The following NCOA1 variants were observed in gnomAD, a reference collection of about 807,000 sequenced individuals.
The protein encoded by NCOA1 is Hin-2 protein.
NCOA1 carries 35 observed loss-of-function variants against 150.9 expected under a neutral mutation model. That is an observed-to-expected ratio of 0.23 (90% CI 0.18 to 0.31). The LOEUF (loss-of-function observed/expected upper bound fraction) is 0.31. Ranked by LOEUF, NCOA1 falls within the 10% of genes least tolerant of loss-of-function variation. NCOA1 has a pLI of 1.00. For missense variants in NCOA1, 1,491 were observed against 1,749.3 expected (o/e 0.85, Z 2.63); for synonymous variants, 590 against 630.0 (o/e 0.94, Z 0.95).
At chr2:24,576,149 G>GTTTTTTTTTTTTATTTT (rs1666949145) in intron 2 of NCOA1, among the ~76,000 whole-genome samples, 1 of 94,026 alleles carries the variant, frequency 1.1e-5, no homozygotes, top group Non-Finnish European at 2.0e-5. Flanking sequence ...TTTGGCCTTT[G>GTTTTTTTTTTTTATTTT]TTTTTTTTTT....
chr2:24,631,778 C>G (rs1249786742), intron 3 of NCOA1, among the ~76,000 whole-genome samples: 1 of 152,146 alleles, frequency 6.6e-6, no homozygotes, highest in Non-Finnish European at 1.5e-5. Flanking sequence ...AAAGCTGGTT[C>G]TTTTTCACAA....
intron 2 of NCOA1, among the ~76,000 whole-genome samples, chr2:24,568,812 C>T (rs1666614567): frequency 6.6e-6 from 1 of 152,168 alleles, no homozygotes; most frequent in African/African-American, 2.4e-5. Context: ...GTCATGTACC[C>T]ATGCCAGTAT....
intron 2 of NCOA1, among the ~76,000 whole-genome samples, chr2:24,569,866 T>A (rs1666669442): frequency 6.8e-6 from 1 of 147,306 alleles, no homozygotes; most frequent in African/African-American, 2.5e-5. Flanking sequence ...TGATACTCCG[T>A]CTGAAAAAAA....
chr2:24,577,088 C>T (rs574963471), intron 2 of NCOA1, among the ~76,000 whole-genome samples: 1 of 152,112 alleles, frequency 6.6e-6, no homozygotes, highest in South Asian at 2.1e-4. Flanking sequence ...CATTTTTCAG[C>T]TGGATTATAT....
At chr2:24,740,567 GAAATGTCTTATTACTA>G (rs1163575745) in intron 18 of NCOA1, among the ~76,000 whole-genome samples, 1 of 152,184 alleles carries the variant, frequency 6.6e-6, no homozygotes, top group African/African-American at 2.4e-5. Context: ...GTGTGCAACT[GAAATGTCTTATTACTA>G]AAATGTCTTA....
At chr2:24,730,144 A>T (rs549303760) in intron 17 of NCOA1, among the ~76,000 whole-genome samples, 1 of 152,264 alleles carries the variant, frequency 6.6e-6, no homozygotes, top group South Asian at 2.1e-4. Context: ...GCACCCTGCC[A>T]GCAGTTGATA....
chr2:24,751,107 C>T (rs562780122), intron 19 of NCOA1, among the ~76,000 whole-genome samples: 1 of 150,882 alleles, frequency 6.6e-6, no homozygotes, highest in Non-Finnish European at 1.5e-5. Context: ...CGTGCCTCAG[C>T]CTTCCAAGTA....
At chr2:24,496,586 T>G (rs1480621686) in intron 1 of NCOA1, among the ~76,000 whole-genome samples, 1 of 152,198 alleles carries the variant, frequency 6.6e-6, no homozygotes, top group Non-Finnish European at 1.5e-5. Flanking sequence ...TCTCTCTCTT[T>G]CTTTTGAGAG....
rs765150197 is a variant in NCOA1 at position 24,706,862 on chromosome 2, C to CAGT, written c.1394_1396dup (p.Ser465dup). The stretch of plus-strand genomic sequence containing the variant: ...ACCAAGGACAGGCCAGTTCACAGAG[C>CAGT]AGTAATCCCTCTTTAAACCTCAATA... On this transcript the variant is annotated inframe_insertion, in exon 13 of 23. Coordinates refer to ENST00000348332, the MANE Select transcript of NCOA1 (RefSeq NM_003743.5). The CAGT allele has an allele frequency of 1.9e-6, 3 of 1,614,154 alleles. No individual in the cohort carries two copies. Among genetic ancestry groups the CAGT allele is most frequent in the South Asian group, 1.1e-5 (1 of 91,078 alleles).
chr2:24,707,441 C>T lies in NCOA1; in HGVS notation c.1971C>T (p.Val657=). ...HADIDTSCKD[V]LSCTGTSNSA... is the part of the protein sequence containing the mutation. ...ATATAGACACAAGCTGCAAAGATGT[C>T]CTGTCTTGCACAGGCACTTCCAACT... is the stretch of plus-strand genomic sequence containing the variant. The change falls in exon 13 of 23, where the codon GTC becomes GTT. Residue 657 remains valine (V), a synonymous_variant. Coordinates refer to ENST00000348332, the MANE Select transcript of NCOA1 (RefSeq NM_003743.5). 1 of 1,614,192 alleles carries T rather than the reference C, an allele frequency of 6.2e-7. No individual in the cohort carries two copies. Among genetic ancestry groups the T allele is most frequent in the Non-Finnish European group, 8.5e-7 (1 of 1,180,020 alleles).
chr2:24,673,361 T>C lies in NCOA1; in HGVS notation c.257-5T>C. Reference sequence around the variant, plus strand: ...ATGTGATTTTTTTAAGTTTCTTTATTATAGAGAAATCAACAACTGATGACG... The same window carrying C: ...ATGTGATTTTTTTAAGTTTCTTTATCATAGAGAAATCAACAACTGATGACG... On this transcript the variant is annotated splice_region_variant and splice_polypyrimidine_tract_variant and intron_variant, in intron 6 of 22. Transcript: ENST00000348332. 1 of 1,541,174 alleles carries C rather than the reference T, an allele frequency of 6.5e-7. No homozygotes were observed. The highest frequency in any genetic ancestry group is 1.3e-5 in the South Asian group (1 of 76,090).
intron 17 of NCOA1, among the ~76,000 whole-genome samples, chr2:24,735,848 A>C (rs1035006768): frequency 3.9e-5 from 6 of 152,206 alleles, no homozygotes; most frequent in Admixed American, 1.3e-4. Context: ...ATATATCCGT[A>C]ATATCAGTAA....
intron 4 of NCOA1, among the ~76,000 whole-genome samples, chr2:24,649,074 T>C (rs1670603079): frequency 6.6e-6 from 1 of 151,874 alleles, no homozygotes; most frequent in Non-Finnish European, 1.5e-5. Flanking sequence ...CATTTAAAAT[T>C]TTTTTTAATT....
chr2:24,732,300 A>AGT (rs3832081), intron 17 of NCOA1, among the ~76,000 whole-genome samples: 11,974 of 152,238 alleles, frequency 0.079, 544 homozygotes, highest in African/African-American at 0.12. Flanking sequence ...AACCTAACAG[A>AGT]GTAAAGTATC....
chr2:24,708,543 A>G (rs1673576226), intron 13 of NCOA1, among the ~76,000 whole-genome samples: 1 of 152,176 alleles, frequency 6.6e-6, no homozygotes, highest in African/African-American at 2.4e-5. Context: ...AAAAGTAAAC[A>G]GGTATCTTCA....
chr2:24,575,684 C>T (rs781744011), intron 2 of NCOA1, among the ~76,000 whole-genome samples: 3 of 151,856 alleles, frequency 2.0e-5, no homozygotes, highest in Non-Finnish European at 2.9e-5. Context: ...CGCCATTCTC[C>T]TGCCTCAGCC....
chr2:24,600,400 T>G (rs1185363815), intron 3 of NCOA1, among the ~76,000 whole-genome samples: 1 of 152,148 alleles, frequency 6.6e-6, no homozygotes, highest in Non-Finnish European at 1.5e-5. Flanking sequence ...AGAGATGGGG[T>G]CTTGCCATGT....
At chr2:24,529,758 A>G (rs1217951153) in intron 1 of NCOA1, among the ~76,000 whole-genome samples, 1 of 152,208 alleles carries the variant, frequency 6.6e-6, no homozygotes, top group African/African-American at 2.4e-5. Flanking sequence ...TATTCTCTTT[A>G]GTACTGGCAT....
intron 1 of NCOA1, among the ~76,000 whole-genome samples, chr2:24,526,863 T>A (rs1664675464): frequency 6.6e-6 from 1 of 152,104 alleles, no homozygotes; most frequent in Non-Finnish European, 1.5e-5. Flanking sequence ...GGGAAAAAAT[T>A]TAGTAATACA....
Sources: allele counts gnomAD v4.1 joint callset (sites outside exome capture counted in the v4.1 genomes callset), GRCh38; gene constraint gnomAD v4.1.1; transcripts MANE v1.5; gene names NCBI Gene and HGNC (gene_info 2026-07-23, HGNC 2026-07-21).